Variants in CHRM3 observed in about 807,000 individuals in gnomAD.
CHRM3 encodes muscarinic acetylcholine receptor M3.
A neutral mutation model predicts 41.8 loss-of-function variants in CHRM3; 11 were observed. The ratio of observed to expected loss-of-function variants is 0.26; its 90% CI spans 0.17 to 0.44. The LOEUF is 0.44. Ranked by LOEUF, CHRM3 falls within the 20% of genes least tolerant of loss-of-function variation. The probability of loss-of-function intolerance (pLI) is 1.00; values close to 1 mark genes in which losing one functional copy is unlikely to be tolerated. For synonymous variants in CHRM3, 297 were observed against 301.4 expected, an observed-to-expected ratio of 0.99 and a Z score of 0.15; for missense variants, 571 against 745.4, an observed-to-expected ratio of 0.77 and a Z score of 2.72.
intron 1 of CHRM3, among the ~76,000 whole-genome samples, chr1:239,410,251 G>T (rs1449380341): frequency 6.6e-6 from 1 of 151,974 alleles, no homozygotes; most frequent in African/African-American, 2.4e-5. Flanking sequence ...TTCCTCTTAA[G>T]TTTTCCTTCA....
intron 6 of CHRM3, among the ~76,000 whole-genome samples, chr1:239,857,329 AACC>A (rs1675200339): frequency 6.6e-6 from 1 of 152,232 alleles, no homozygotes; most frequent in Non-Finnish European, 1.5e-5. Flanking sequence ...TTCCATTTGG[AACC>A]AGAATCTCTC....
intron 2 of CHRM3, among the ~76,000 whole-genome samples, chr1:239,533,902 T>A (rs1657931390): frequency 6.6e-6 from 1 of 152,160 alleles, no homozygotes; most frequent in African/African-American, 2.4e-5. Context: ...CAAGATGAGA[T>A]TTGGGTGAGG....
intron 1 of CHRM3, among the ~76,000 whole-genome samples, chr1:239,408,803 T>C (rs1017621258): frequency 4.0e-5 from 6 of 151,360 alleles, no homozygotes; most frequent in East Asian, 2.0e-4. Flanking sequence ...TTTTTTTTTT[T>C]CAGACATGGG....
At chr1:239,518,254 T>A (rs970452693) in intron 2 of CHRM3, among the ~76,000 whole-genome samples, 1 of 152,250 alleles carries the variant, frequency 6.6e-6, no homozygotes, top group African/African-American at 2.4e-5. Flanking sequence ...GCTCATTAAA[T>A]ATATGCAGGA....
At chr1:239,527,589 T>C (rs1443475248) in intron 2 of CHRM3, among the ~76,000 whole-genome samples, 1 of 151,400 alleles carries the variant, frequency 6.6e-6, no homozygotes, top group Admixed American at 6.6e-5. Context: ...TAATTTTCAA[T>C]TTAGTTCAAA....
At chr1:239,662,600 C>G (rs1276490751) in intron 4 of CHRM3, among the ~76,000 whole-genome samples, 1 of 152,028 alleles carries the variant, frequency 6.6e-6, no homozygotes, top group Non-Finnish European at 1.5e-5. Flanking sequence ...AATAACCTGG[C>G]CCACCATTGT....
At chr1:239,793,422 C>G (rs1435686368) in intron 5 of CHRM3, among the ~76,000 whole-genome samples, 5 of 152,120 alleles carry the variant, frequency 3.3e-5, no homozygotes. Context: ...ATCCAGTTAC[C>G]ACACTTCTAG....
rs869143310 is a variant in CHRM3, at chr1:239,708,736, C to CT, written c.-147+30475dup. 5.7e-3 allele frequency among the ~76,000 whole-genome samples: 276 copies of CT among 48,340 alleles called. 42 individuals carry two copies. Among genetic ancestry groups the CT allele is most frequent in the African/African-American group, 0.022 (245 of 11,238 alleles). 31.7% of individuals were successfully genotyped at this position (48,340 alleles called of 152,430 possible). The stretch of plus-strand genomic sequence containing the variant: ...CTTTGTTTCTTCTGGTTTAAATTTT[C>CT]TTTTTTTTTTTTTTTTTTTTTTTTT... On this transcript the variant is annotated intron_variant, in intron 5 of 6. Transcript: ENST00000676153.
chr1:239,661,674 A>G (rs991154277), intron 4 of CHRM3, among the ~76,000 whole-genome samples: 1 of 152,308 alleles, frequency 6.6e-6, no homozygotes, highest in African/African-American at 2.4e-5. Context: ...AGGGATGAAC[A>G]GGTTGGAGCA....
intron 5 of CHRM3, among the ~76,000 whole-genome samples, chr1:239,745,393 T>G (rs564396381): frequency 6.6e-6 from 1 of 152,060 alleles, no homozygotes; most frequent in South Asian, 2.1e-4. Flanking sequence ...GGTCACGCGG[T>G]ATGCAAGTCA....
chr1:239,520,456 C>G (rs954255952), intron 2 of CHRM3, among the ~76,000 whole-genome samples: 1 of 152,004 alleles, frequency 6.6e-6, no homozygotes, highest in African/African-American at 2.4e-5. Flanking sequence ...TGTGGCACCC[C>G]GCTTGCTCTC....
intron 6 of CHRM3, among the ~76,000 whole-genome samples, chr1:239,827,637 A>C (rs1469605647): frequency 6.6e-6 from 1 of 152,210 alleles, no homozygotes; most frequent in Non-Finnish European, 1.5e-5. Flanking sequence ...AGCACGTTTC[A>C]CTAAAAATTA....
At chr1:239,586,284 T>A in intron 3 of CHRM3, among the ~76,000 whole-genome samples, 1 of 152,192 alleles carries the variant, frequency 6.6e-6, no homozygotes, top group East Asian at 1.9e-4. Context: ...GCTGCTGTAT[T>A]TTTGTGGATG....
chr1:239,731,909 A>G (rs1379613923), intron 5 of CHRM3, among the ~76,000 whole-genome samples: 1 of 152,026 alleles, frequency 6.6e-6, no homozygotes, highest in African/African-American at 2.4e-5. Context: ...ATATTTTTAA[A>G]TACATATTAA....
At chr1:239,686,345 A>AT (rs1159077435) in intron 5 of CHRM3, among the ~76,000 whole-genome samples, 1 of 151,978 alleles carries the variant, frequency 6.6e-6, no homozygotes, top group Non-Finnish European at 1.5e-5. Context: ...GTATTTTATG[A>AT]TTTTCTGGGA....
At chr1:239,864,304 TG>T (rs370530505) in intron 6 of CHRM3, among the ~76,000 whole-genome samples, 3 of 152,170 alleles carry the variant, frequency 2.0e-5, no homozygotes, top group African/African-American at 7.2e-5. Context: ...GTCGAGAGTT[TG>T]AGACCAGCCC....
At chr1:239,843,775 T>C (rs1674033412) in intron 6 of CHRM3, among the ~76,000 whole-genome samples, 1 of 152,036 alleles carries the variant, frequency 6.6e-6, no homozygotes, top group Non-Finnish European at 1.5e-5. Flanking sequence ...AATTGCTAGT[T>C]TTAGTTTCTC....
intron 1 of CHRM3, among the ~76,000 whole-genome samples, chr1:239,457,406 A>C (rs181007439): frequency 6.6e-6 from 1 of 152,144 alleles, no homozygotes; most frequent in Non-Finnish European, 1.5e-5. Flanking sequence ...CAGAAAAAAA[A>C]CAGATTGTTA....
intron 5 of CHRM3, among the ~76,000 whole-genome samples, chr1:239,787,745 A>G (rs7555000): frequency 0.054 from 8,254 of 152,250 alleles, 713 homozygotes; most frequent in African/African-American, 0.19. Context: ...CAGCCCTGTC[A>G]TTTACAAGTT....
Sources: allele counts gnomAD v4.1 joint callset (sites outside exome capture counted in the v4.1 genomes callset), GRCh38; gene constraint gnomAD v4.1.1; transcripts MANE v1.5; gene names NCBI Gene and HGNC (gene_info 2026-07-23, HGNC 2026-07-21).